The following ACAD11 variants were observed in gnomAD, a reference collection of about 807,000 sequenced individuals.
ACAD11 encodes the protein acyl-CoA dehydrogenase family member 11.
ACAD11 carries 83 observed loss-of-function variants against 102.2 expected under a neutral mutation model. The observed-to-expected ratio is 0.81, with a 90% CI of 0.68 to 0.97. ACAD11 has a LOEUF of 0.97. Among genes scored for constraint, ACAD11 ranks in the 50% least tolerant of loss-of-function variants. The pLI, the probability that ACAD11 is intolerant of heterozygous loss-of-function variation, is 0.00. For synonymous variants in ACAD11, 324 were observed against 319.8 expected (o/e 1.01, Z -0.14); for missense variants, 901 against 951.7 (o/e 0.95, Z 0.70).
chr3:132,634,917 G>T (rs1434473356), intron 5 of ACAD11, among the ~76,000 whole-genome samples: 1 of 132,364 alleles, frequency 7.6e-6, no homozygotes, highest in African/African-American at 2.7e-5. Flanking sequence ...GGGTGGGGGG[G>T]TGGGGAGGGA....
chr3:132,649,109 T>G (rs1270382211), intron 1 of ACAD11, among the ~76,000 whole-genome samples: 1 of 152,268 alleles, frequency 6.6e-6, no homozygotes, highest in Non-Finnish European at 1.5e-5. Flanking sequence ...CAGGGACCTC[T>G]GCCCTGGAAA....
chr3:132,641,109 A>C (rs1184730313), intron 4 of ACAD11, among the ~76,000 whole-genome samples: 4 of 152,188 alleles, frequency 2.6e-5, no homozygotes. Context: ...AATGACATGC[A>C]TGTACAGGTC....
At chr3:132,587,366 G>A (rs1054842175) in intron 13 of ACAD11, among the ~76,000 whole-genome samples, 3 of 151,684 alleles carry the variant, frequency 2.0e-5, no homozygotes, top group Non-Finnish European at 2.9e-5. Flanking sequence ...CTTCAAGTTC[G>A]TTCATTCTTT....
chr3:132,650,860 T>C (rs1277134931), intron 1 of ACAD11, among the ~76,000 whole-genome samples: 1 of 152,168 alleles, frequency 6.6e-6, no homozygotes, highest in African/African-American at 2.4e-5. Flanking sequence ...ATTCCCCTTT[T>C]ATACTTGTTT....
intron 1 of ACAD11, chr3:132,645,978 G>C (rs1249582565): frequency 6.8e-6 from 1 of 146,714 alleles, no homozygotes; most frequent in African/African-American, 2.7e-5. Context: ...CAATTGCAAC[G>C]AATCTTTTTT....
chr3:132,609,324 A>T (rs1939006040), intron 11 of ACAD11, among the ~76,000 whole-genome samples: 1 of 152,144 alleles, frequency 6.6e-6, no homozygotes, highest in African/African-American at 2.4e-5. Flanking sequence ...GACAAGAAAA[A>T]CCCTTCAAAA....
At chr3:132,639,424 G>A (rs953708374) in intron 5 of ACAD11, 68 bp downstream of exon 5, 9 of 1,471,848 alleles carry the variant, frequency 6.1e-6, no homozygotes, top group Admixed American at 2.1e-5. Context: ...GCTCTGGGGG[G>A]AGCATTTACT....
intron 6 of ACAD11, 29 bp downstream of exon 6, chr3:132,631,312 G>A (rs774790374): frequency 3.8e-6 from 5 of 1,305,132 alleles, no homozygotes; most frequent in South Asian, 2.4e-5. Context: ...TATATTAATA[G>A]CAATTTAGAC....
At chr3:132,641,691 AGG>A (rs1940524072) in intron 4 of ACAD11, among the ~76,000 whole-genome samples, 4 of 130,998 alleles carry the variant, frequency 3.1e-5, no homozygotes, top group African/African-American at 1.1e-4. Flanking sequence ...GAAGAGGAAG[AGG>A]AAGAGGAAGA....
chr3:132,559,398 C>T (rs1936979166), intron 19 of ACAD11, among the ~76,000 whole-genome samples: 1 of 152,028 alleles, frequency 6.6e-6, no homozygotes, highest in Non-Finnish European at 1.5e-5. Flanking sequence ...TTAGTTCTTT[C>T]TTAAGGTTTA....
At chr3:132,613,924 C>G (rs1939284776) in intron 11 of ACAD11, among the ~76,000 whole-genome samples, 1 of 151,814 alleles carries the variant, frequency 6.6e-6, no homozygotes, top group Admixed American at 6.6e-5. Flanking sequence ...AAAGAAAACC[C>G]CATCATCTCA....
intron 11 of ACAD11, among the ~76,000 whole-genome samples, chr3:132,610,852 A>C (rs1383189777): frequency 6.6e-6 from 1 of 152,200 alleles, no homozygotes; most frequent in African/African-American, 2.4e-5. Context: ...AAAAAGAGGG[A>C]ATCCTCCCTA....
At chr3:132,612,104 G>A (rs905829086) in intron 11 of ACAD11, among the ~76,000 whole-genome samples, 3 of 151,982 alleles carry the variant, frequency 2.0e-5, no homozygotes, top group African/African-American at 7.3e-5. Flanking sequence ...TGATAAACCT[G>A]ACAAAAACAA....
At chr3:132,644,762 A>G (rs1299424207) in intron 2 of ACAD11, 35 bp downstream of exon 2, 4 of 1,380,010 alleles carry the variant, frequency 2.9e-6, no homozygotes, top group Non-Finnish European at 4.0e-6. Context: ...TTTATTTGTC[A>G]CCAAAGAATT....
intron 7 of ACAD11, 124 bp from the exon 8 acceptor site, chr3:132,628,570 C>T (rs16839460): frequency 0.083 from 50,218 of 605,268 alleles, 2,556 homozygotes; most frequent in South Asian, 0.14. Flanking sequence ...GTAAAACAGA[C>T]TATCGACGAT....
chr3:132,654,006 T>A (rs1937651048), intron 1 of ACAD11, among the ~76,000 whole-genome samples: 1 of 152,230 alleles, frequency 6.6e-6, no homozygotes, highest in Non-Finnish European at 1.5e-5. Flanking sequence ...TCTACTTGGA[T>A]GTCTAAAAGG....
chr3:132,636,295 T>C (rs1486458636), intron 5 of ACAD11, among the ~76,000 whole-genome samples: 3 of 152,196 alleles, frequency 2.0e-5, no homozygotes, highest in Admixed American at 1.3e-4. Context: ...AGGGAACTTA[T>C]TAGTAAAATT....
At chr3:132,570,422 G>A (rs529835642) in intron 17 of ACAD11, among the ~76,000 whole-genome samples, 27 of 152,138 alleles carry the variant, frequency 1.8e-4, no homozygotes, top group African/African-American at 6.0e-4. Flanking sequence ...GCTTTGATTC[G>A]AGCCATATTA....
chr3:132,569,754 A>T (rs866679726), intron 17 of ACAD11, among the ~76,000 whole-genome samples: 10 of 152,202 alleles, frequency 6.6e-5, no homozygotes, highest in Non-Finnish European at 1.3e-4. Context: ...TCTTGGAATG[A>T]CAAAATTGTA....
Sources: gnomAD v4.1 joint callset for allele counts (sites outside exome capture counted in the v4.1 genomes callset) on GRCh38, gnomAD v4.1.1 for gene constraint, MANE v1.5 for transcripts, NCBI Gene and HGNC (gene_info 2026-07-23, HGNC 2026-07-21) for gene names.